EEFSEC: variants seen among roughly 807,000 people sequenced by gnomAD.
EEFSEC encodes the protein eukaryotic elongation factor, selenocysteine-tRNA specific.
In EEFSEC, 43 loss-of-function variants were observed where a neutral mutation model predicts 42.1. The observed-to-expected ratio is 1.02, with a 90% CI of 0.80 to 1.32. The LOEUF is 1.32. Among genes scored for constraint, EEFSEC ranks in the 40% most tolerant of loss-of-function variants. The pLI is 0.00. For synonymous variants in EEFSEC, 354 were observed against 339.1 expected, an observed-to-expected ratio of 1.04 and a Z score of -0.48; for missense variants, 745 against 803.6, an observed-to-expected ratio of 0.93 and a Z score of 0.88.
the EEFSEC span, among the ~76,000 whole-genome samples, chr3:128,416,094 C>T: frequency 2.0e-5 from 3 of 152,082 alleles, no homozygotes; most frequent in South Asian, 2.1e-4. Context: ...GTTGGGCTGC[C>T]GATAAGGAGA....
At chr3:128,155,298 A>G (rs955393467) in intron 1 of EEFSEC, among the ~76,000 whole-genome samples, 2 of 152,052 alleles carry the variant, frequency 1.3e-5, no homozygotes, top group African/African-American at 2.4e-5. Flanking sequence ...TATTTTTAGT[A>G]GACATGGGGT....
Position 128,388,361 on chromosome 3 carries a change from A to G in EEFSEC, c.1601-19708A>G, listed in dbSNP as rs74959680. ...CTGACACCCCTTCTCGGACCCCTCA[A>G]TTTATCTACAGTCCATCTCTGCCTT... On this transcript the variant is annotated intron_variant, in intron 6 of 6. Coordinates refer to ENST00000254730, the MANE Select transcript of EEFSEC (RefSeq NM_021937.5). Among the ~76,000 whole-genome samples the G allele has an allele frequency of 3.6e-3, 545 of 152,104 alleles. 6 individuals are homozygous for G. The highest frequency in any genetic ancestry group is 0.013 in the African/African-American group (533 of 41,490).
At chr3:128,374,905 CT>C (rs2067692412) in intron 6 of EEFSEC, among the ~76,000 whole-genome samples, 1 of 152,258 alleles carries the variant, frequency 6.6e-6, no homozygotes, top group Non-Finnish European at 1.5e-5. Flanking sequence ...CCCAGGCCAT[CT>C]GGCACTGGAG....
intron 1 of EEFSEC, among the ~76,000 whole-genome samples, chr3:128,158,548 C>T (rs1944418678): frequency 6.6e-6 from 1 of 152,236 alleles, no homozygotes; most frequent in African/African-American, 2.4e-5. Context: ...ACCATTGAGG[C>T]AAGACCCTCC....
At chr3:128,155,027 A>G (rs1344942290) in intron 1 of EEFSEC, among the ~76,000 whole-genome samples, 1 of 152,188 alleles carries the variant, frequency 6.6e-6, no homozygotes, top group Non-Finnish European at 1.5e-5. Context: ...CATCACAAAT[A>G]AGACAAACAT....
chr3:128,223,408 G>A (rs1161544876), intron 1 of EEFSEC, among the ~76,000 whole-genome samples: 2 of 152,198 alleles, frequency 1.3e-5, no homozygotes, highest in Admixed American at 1.3e-4. Context: ...CAGCCAGCTG[G>A]TCAGAAGTGT....
At chr3:128,210,870 A>T (rs1046221172) in intron 1 of EEFSEC, among the ~76,000 whole-genome samples, 1 of 152,226 alleles carries the variant, frequency 6.6e-6, no homozygotes, top group African/African-American at 2.4e-5. Flanking sequence ...GCTGGGCATC[A>T]CTGGCATTTT....
chr3:128,269,875 T>C (rs2066396027), intron 4 of EEFSEC, among the ~76,000 whole-genome samples: 1 of 152,248 alleles, frequency 6.6e-6, no homozygotes, highest in Admixed American at 6.5e-5. Flanking sequence ...ATCTTCGGGG[T>C]TCAGGCTAGT....
chr3:128,165,802 C>A (rs1345412297), intron 1 of EEFSEC, among the ~76,000 whole-genome samples: 3 of 152,198 alleles, frequency 2.0e-5, no homozygotes, highest in African/African-American at 7.2e-5. Context: ...CCTTGCTTGG[C>A]CTGGTGGCTA....
intron 3 of EEFSEC, among the ~76,000 whole-genome samples, chr3:128,264,174 C>T (rs533800124): frequency 4.6e-5 from 7 of 152,110 alleles, no homozygotes; most frequent in East Asian, 3.9e-4. Context: ...CAGGGAGTGG[C>T]GGAAGATGAG....
intron 4 of EEFSEC, among the ~76,000 whole-genome samples, chr3:128,339,710 T>A (rs2067228984): frequency 6.6e-6 from 1 of 152,204 alleles, no homozygotes; most frequent in African/African-American, 2.4e-5. Flanking sequence ...AGCCTTGACC[T>A]CTGTGTTAGT....
intron 6 of EEFSEC, among the ~76,000 whole-genome samples, chr3:128,388,435 C>T (rs2067868547): frequency 6.6e-6 from 1 of 152,252 alleles, no homozygotes; most frequent in South Asian, 2.1e-4. Context: ...TGCCATGAGT[C>T]CGCAGCCACC....
chr3:128,371,276 G>T (rs1214110824), intron 6 of EEFSEC, among the ~76,000 whole-genome samples: 1 of 151,810 alleles, frequency 6.6e-6, no homozygotes, highest in Non-Finnish European at 1.5e-5. Context: ...CTCCCGAAAG[G>T]CCTTGGCCTC....
At chr3:128,240,703 G>A (rs1450657306) in intron 1 of EEFSEC, among the ~76,000 whole-genome samples, 4 of 152,246 alleles carry the variant, frequency 2.6e-5, no homozygotes, top group East Asian at 1.9e-4. Context: ...CTGCAGAATG[G>A]GCTGCAATGT....
chr3:128,160,997 T>G lies in EEFSEC; in HGVS notation c.316+7174T>G, dbSNP rs150590760. 1.5e-4 allele frequency among the ~76,000 whole-genome samples: 23 copies of G among 152,208 alleles called. 1 individual carries two copies. The East Asian group carries it at 4.2e-3, about 28-fold the overall frequency. On this transcript the variant is annotated intron_variant, in intron 1 of 6. Transcript: ENST00000254730. Reference sequence around the variant, plus strand: ...GTTTGTTTAATCTTCACACTATTCCTAGGAGGTAAGAGTTGCTATTCCCAT... The same window carrying G: ...GTTTGTTTAATCTTCACACTATTCCGAGGAGGTAAGAGTTGCTATTCCCAT...
chr3:128,343,106 G>T (rs1462469372), intron 5 of EEFSEC, among the ~76,000 whole-genome samples: 2 of 152,226 alleles, frequency 1.3e-5, no homozygotes, highest in African/African-American at 4.8e-5. Flanking sequence ...AAGGGCCTCA[G>T]TTCCTCACAG....
In EEFSEC at chr3:128,167,380, C is replaced by T. The variant is rs572333222; in HGVS notation, c.316+13557C>T. ...GAGTAAATATTTGGTGCATGCATAT[C>T]GGAATGAATGAATGAATGAAGAGGT... On this transcript the variant is annotated intron_variant, in intron 1 of 6. Coordinates refer to ENST00000254730, the MANE Select transcript of EEFSEC (RefSeq NM_021937.5). Among the ~76,000 whole-genome samples the T allele has an allele frequency of 2.0e-5, 3 of 152,244 alleles. 1 individual carries two copies. Among genetic ancestry groups the T allele is most frequent in the Non-Finnish European group, 4.4e-5 (3 of 68,028 alleles).
At chr3:128,293,680 A>AAAAAAAAAAAAC in intron 4 of EEFSEC, among the ~76,000 whole-genome samples, 1 of 95,186 alleles carries the variant, frequency 1.1e-5, no homozygotes, top group East Asian at 2.6e-4. Context: ...AAAAAAAAAA[A>AAAAAAAAAAAAC]AAAAAAACTT....
chr3:128,315,983 T>C (rs1429253230), intron 4 of EEFSEC, among the ~76,000 whole-genome samples: 1 of 152,234 alleles, frequency 6.6e-6, no homozygotes, highest in Non-Finnish European at 1.5e-5. Context: ...TTGCATAATA[T>C]TAAATGTTTT....
Sources: gnomAD v4.1 joint callset for allele counts (sites outside exome capture counted in the v4.1 genomes callset) on GRCh38, gnomAD v4.1.1 for gene constraint, MANE v1.5 for transcripts, NCBI Gene and HGNC (gene_info 2026-07-23, HGNC 2026-07-21) for gene names.